Variants in CLVS1 observed in about 807,000 individuals in gnomAD.
The protein encoded by CLVS1 is clavesin 1.
A neutral mutation model predicts 33.1 loss-of-function variants in CLVS1; 10 were observed. The observed-to-expected ratio is 0.30, with a 90% CI of 0.19 to 0.51. CLVS1 has a LOEUF of 0.51. CLVS1 is among the 20% of genes least tolerant of loss of function. The pLI is 0.97. For missense variants in CLVS1, 343 were observed against 433.4 expected, an observed-to-expected ratio of 0.79 and a Z score of 1.85; for synonymous variants, 163 against 166.1, an observed-to-expected ratio of 0.98 and a Z score of 0.14.
At chr8:61,434,256 G>C (rs752012809) in intron 3 of CLVS1, among the ~76,000 whole-genome samples, 2 of 152,210 alleles carry the variant, frequency 1.3e-5, no homozygotes, top group Non-Finnish European at 2.9e-5. Flanking sequence ...AACTGGTATT[G>C]AAATTCAGAC....
At chr8:61,030,860 G>A in the CLVS1 span, among the ~76,000 whole-genome samples, 1 of 152,184 alleles carries the variant, frequency 6.6e-6, no homozygotes, top group East Asian at 1.9e-4. Flanking sequence ...TGTAGGTTTG[G>A]GAGTCAGGCC....
At chr8:61,371,783 T>C (rs1378193118) in intron 2 of CLVS1, among the ~76,000 whole-genome samples, 2 of 152,214 alleles carry the variant, frequency 1.3e-5, no homozygotes, top group Non-Finnish European at 2.9e-5. Context: ...CCTCAGGTGC[T>C]TAACTCGTAT....
chr8:61,404,148 A>T (rs1814886263), intron 3 of CLVS1, among the ~76,000 whole-genome samples: 1 of 152,146 alleles, frequency 6.6e-6, no homozygotes, highest in Admixed American at 6.5e-5. Flanking sequence ...GGGGACCTTG[A>T]AGGTCAGGCT....
At chr8:61,095,651 G>T (rs1386784852) in intron 1 of CLVS1, among the ~76,000 whole-genome samples, 1 of 152,168 alleles carries the variant, frequency 6.6e-6, no homozygotes, top group Non-Finnish European at 1.5e-5. Context: ...TTTTCCAGAA[G>T]ACTTGCTCTC....
intron 1 of CLVS1, among the ~76,000 whole-genome samples, chr8:61,120,874 G>A (rs1412746342): frequency 2.7e-5 from 4 of 147,492 alleles, no homozygotes; most frequent in Non-Finnish European, 6.0e-5. Flanking sequence ...AGGCAGGCAG[G>A]CCTCCTTGAT....
chr8:61,431,289 G>C lies in CLVS1; in HGVS notation c.631-22852G>C, dbSNP rs142988295. On this transcript the variant is annotated intron_variant, in intron 3 of 5. Coordinates refer to ENST00000325897, the MANE Select transcript of CLVS1 (RefSeq NM_173519.3). The stretch of plus-strand genomic sequence containing the variant: ...CTTGGGAAACAATGTATTAAACAAC[G>C]TTCAACAGATTTCTTGTGTAAGAGA... 6.3e-3 allele frequency among the ~76,000 whole-genome samples: 959 copies of C among 152,154 alleles called. 15 individuals are homozygous for C. The highest frequency in any genetic ancestry group is 0.022 in the African/African-American group (902 of 41,498).
the CLVS1 span, among the ~76,000 whole-genome samples, chr8:61,035,172 T>C: frequency 7.8e-6 from 1 of 128,388 alleles, no homozygotes; most frequent in Non-Finnish European, 1.7e-5. Context: ...TTTCTTTTCT[T>C]TTCTTTTCTT....
At chr8:61,298,890 T>A (rs1263052705) in intron 1 of CLVS1, among the ~76,000 whole-genome samples, 1 of 152,178 alleles carries the variant, frequency 6.6e-6, no homozygotes, top group African/African-American at 2.4e-5. Flanking sequence ...GCAGGTTATA[T>A]ACAATGGAAG....
intron 2 of CLVS1, among the ~76,000 whole-genome samples, chr8:61,220,657 T>C (rs1036857245): frequency 5.3e-5 from 8 of 151,910 alleles, no homozygotes; most frequent in African/African-American, 1.9e-4. Context: ...TTTTTTTATT[T>C]TATATGAAAT....
chr8:61,151,838 G>T (rs988927908), intron 2 of CLVS1, among the ~76,000 whole-genome samples: 6 of 152,152 alleles, frequency 3.9e-5, no homozygotes, highest in Non-Finnish European at 8.8e-5. Context: ...CAAATATAAG[G>T]CCCCTTCCTT....
intron 2 of CLVS1, among the ~76,000 whole-genome samples, chr8:61,253,132 T>C (rs1262937401): frequency 6.6e-6 from 1 of 152,208 alleles, no homozygotes; most frequent in Non-Finnish European, 1.5e-5. Flanking sequence ...ACAAAATCTC[T>C]CAGCATTTGC....
At chr8:61,163,531 A>G (rs1195114007) in intron 2 of CLVS1, among the ~76,000 whole-genome samples, 1 of 152,150 alleles carries the variant, frequency 6.6e-6, no homozygotes, top group African/African-American at 2.4e-5. Context: ...GTTACGGGTG[A>G]GTCTTTGTTC....
At chr8:61,426,338 A>T (rs761332353) in intron 3 of CLVS1, among the ~76,000 whole-genome samples, 88 of 152,176 alleles carry the variant, frequency 5.8e-4, no homozygotes, top group Non-Finnish European at 1.1e-3. Context: ...CTAGCTCACG[A>T]TTGTGTGCAT....
At chr8:61,269,647 G>A (rs1417962499) in intron 2 of CLVS1, among the ~76,000 whole-genome samples, 1 of 150,494 alleles carries the variant, frequency 6.6e-6, no homozygotes, top group Non-Finnish European at 1.5e-5. Flanking sequence ...TCCTACCCAT[G>A]AGCGTGGAAT....
At chr8:61,283,431 G>T (rs762253365), upstream of CLVS1, among the ~76,000 whole-genome samples, 9 of 152,154 alleles carry the variant, frequency 5.9e-5, no homozygotes, top group Non-Finnish European at 1.2e-4. Flanking sequence ...GCTTGAGTTT[G>T]TACTTCCTCT....
At chr8:61,251,534 G>A (rs749315779) in intron 2 of CLVS1, among the ~76,000 whole-genome samples, 2 of 152,030 alleles carry the variant, frequency 1.3e-5, no homozygotes, top group African/African-American at 2.4e-5. Flanking sequence ...CTATAAATCT[G>A]TCTGGTCCTG....
At chr8:61,134,692 C>A (rs890596824) in intron 2 of CLVS1, among the ~76,000 whole-genome samples, 2 of 152,154 alleles carry the variant, frequency 1.3e-5, no homozygotes, top group Non-Finnish European at 2.9e-5. Context: ...GTGATTCTGA[C>A]ACTCACTCTT....
chr8:61,352,858 C>G (rs750875249), intron 2 of CLVS1, among the ~76,000 whole-genome samples: 1 of 151,916 alleles, frequency 6.6e-6, no homozygotes, highest in Non-Finnish European at 1.5e-5. Context: ...ATAGCATTTA[C>G]ATAGCATTAA....
intron 2 of CLVS1, among the ~76,000 whole-genome samples, chr8:61,193,722 T>C (rs1049648840): frequency 6.6e-6 from 1 of 151,798 alleles, no homozygotes; most frequent in Non-Finnish European, 1.5e-5. Flanking sequence ...TTGACACCTA[T>C]GGAACCCTAC....
Sources: gnomAD v4.1 joint callset for allele counts (sites outside exome capture counted in the v4.1 genomes callset) on GRCh38, gnomAD v4.1.1 for gene constraint, MANE v1.5 for transcripts, NCBI Gene and HGNC (gene_info 2026-07-23, HGNC 2026-07-21) for gene names.